CADM2: variants seen among roughly 807,000 people sequenced by gnomAD.
The protein encoded by CADM2 is immunoglobulin superfamily member 4D.
CADM2 carries 12 observed loss-of-function variants against 49.8 expected under a neutral mutation model. The observed-to-expected ratio is 0.24, with a 90% CI of 0.15 to 0.39. CADM2 has a LOEUF of 0.39. Among genes scored for constraint, CADM2 ranks in the 10% least tolerant of loss-of-function variants. The pLI is 1.00. For missense variants in CADM2, 378 were observed against 492.3 expected, an observed-to-expected ratio of 0.77 and a Z score of 2.20; for synonymous variants, 214 against 175.4, an observed-to-expected ratio of 1.22 and a Z score of -1.74.
At chr3:85,010,896 C>T (rs1205415233) in intron 1 of CADM2, among the ~76,000 whole-genome samples, 32 of 77,014 alleles carry the variant, frequency 4.2e-4, no homozygotes, top group African/African-American at 1.7e-3. Context: ...TGGAGTCTTG[C>T]TCTGTCTCCC....
At chr3:85,540,669 T>G (rs925737374) in intron 1 of CADM2, among the ~76,000 whole-genome samples, 5 of 152,196 alleles carry the variant, frequency 3.3e-5, no homozygotes, top group Non-Finnish European at 1.5e-5. Flanking sequence ...ATCATAAAGT[T>G]ATCAAGCATT....
At chr3:85,959,154 C>A (rs565830781) in intron 7 of CADM2, among the ~76,000 whole-genome samples, 4 of 147,540 alleles carry the variant, frequency 2.7e-5, no homozygotes, top group Non-Finnish European at 3.0e-5. Context: ...CTATCTATCT[C>A]TCTCTCTCTC....
At chr3:85,372,077 G>A (rs924252459) in intron 1 of CADM2, among the ~76,000 whole-genome samples, 9 of 151,678 alleles carry the variant, frequency 5.9e-5, no homozygotes, top group South Asian at 2.1e-4. Context: ...TTATTACATC[G>A]GTGTTTGACA....
intron 1 of CADM2, among the ~76,000 whole-genome samples, chr3:85,219,133 G>T (rs2041993343): frequency 1.3e-5 from 2 of 152,072 alleles, no homozygotes; most frequent in African/African-American, 2.4e-5. Flanking sequence ...ATGGTGAAAA[G>T]AATAATATGA....
At chr3:85,995,729 A>G (rs1053321413) in intron 8 of CADM2, among the ~76,000 whole-genome samples, 2 of 152,292 alleles carry the variant, frequency 1.3e-5, no homozygotes, top group South Asian at 4.1e-4. Context: ...TTCAGTTGAT[A>G]TATTCTAATT....
At chr3:85,103,883 G>C (rs2038108799) in intron 1 of CADM2, among the ~76,000 whole-genome samples, 2 of 152,142 alleles carry the variant, frequency 1.3e-5, no homozygotes, top group Non-Finnish European at 2.9e-5. Context: ...GACATGTAAA[G>C]AAATTGGATT....
intron 2 of CADM2, among the ~76,000 whole-genome samples, chr3:85,727,539 A>C (rs540701798): frequency 1.3e-5 from 2 of 152,250 alleles, no homozygotes; most frequent in East Asian, 3.9e-4. Flanking sequence ...TGCCACAGTA[A>C]TTTTCTGTCT....
In CADM2 at chr3:86,013,503, A is replaced by G. The variant is rs577922380; in HGVS notation, c.970+51856A>G. The G allele has an allele frequency of 5.6e-6, 9 of 1,604,616 alleles. No individual in the cohort carries two copies. In the South Asian group the frequency reaches 9.9e-5, roughly 18 times the overall value. On this transcript the variant is annotated intron_variant, in intron 8 of 9. Coordinates refer to ENST00000383699, the MANE Select transcript of CADM2 (RefSeq NM_001167675.2). ...AGAGGTTCTGAGAAAGCGCTTTGAG[A>G]CAACAGCAGTTAACACGTTGTTTTC...
rs557602370 is a variant in CADM2, at chr3:86,047,609, G to A, written c.971-17996G>A. On this transcript the variant is annotated intron_variant, in intron 8 of 9. Coordinates refer to ENST00000383699, the MANE Select transcript of CADM2 (RefSeq NM_001167675.2). ...GAAGTAAAGTAAAAGCTTAGTTAAC[G>A]TGTGTAAGAGGAGTAAGAAGCTCCT... Among the ~76,000 whole-genome samples, 9 of 152,256 alleles carry A rather than the reference G, an allele frequency of 5.9e-5. No homozygotes were observed. The South Asian group carries it at 8.3e-4, about 14-fold the overall frequency.
At chr3:84,962,349 C>A (rs1257785618) in intron 1 of CADM2, among the ~76,000 whole-genome samples, 2 of 151,856 alleles carry the variant, frequency 1.3e-5, no homozygotes, top group African/African-American at 4.8e-5. Flanking sequence ...ATGGCTGCCT[C>A]ACATTTATTC....
intron 3 of CADM2, among the ~76,000 whole-genome samples, chr3:85,829,834 A>G (rs565277547): frequency 6.6e-6 from 1 of 152,126 alleles, no homozygotes; most frequent in South Asian, 2.1e-4. Context: ...ATGTTGTCCC[A>G]AATGGCAAAA....
intron 1 of CADM2, among the ~76,000 whole-genome samples, chr3:85,330,347 CT>C (rs1424324904): frequency 2.6e-5 from 4 of 151,988 alleles, no homozygotes; most frequent in Admixed American, 6.6e-5. Context: ...TAATATCACA[CT>C]TTTTTTCTAT....
At chr3:85,517,189 A>T (rs979131051) in intron 1 of CADM2, among the ~76,000 whole-genome samples, 16 of 148,008 alleles carry the variant, frequency 1.1e-4, no homozygotes, top group Admixed American at 2.7e-4. Flanking sequence ...TAGATCTTTT[A>T]AAAAAAAACA....
At chr3:85,206,463 A>T (rs762374795) in intron 1 of CADM2, among the ~76,000 whole-genome samples, 1 of 151,496 alleles carries the variant, frequency 6.6e-6, no homozygotes, top group African/African-American at 2.4e-5. Context: ...GCCCGTCACC[A>T]CGCCCGGCTA....
intron 8 of CADM2, among the ~76,000 whole-genome samples, chr3:86,058,846 C>G (rs967503220): frequency 1.3e-5 from 2 of 151,866 alleles, no homozygotes; most frequent in African/African-American, 4.8e-5. Context: ...GTAATCCTAG[C>G]ACTTTGGGAG....
intron 3 of CADM2, among the ~76,000 whole-genome samples, chr3:85,817,785 C>T (rs1342822272): frequency 6.6e-6 from 1 of 151,844 alleles, no homozygotes; most frequent in Non-Finnish European, 1.5e-5. Context: ...TGCACTCCAG[C>T]GTCGGCGACA....
chr3:85,989,424 A>G (rs2108693821), intron 8 of CADM2, among the ~76,000 whole-genome samples: 1 of 152,256 alleles, frequency 6.6e-6, no homozygotes, highest in East Asian at 1.9e-4. Context: ...AAACGAGGAC[A>G]CTGGGGGACA....
chr3:85,734,527 A>T (rs1355338966), intron 2 of CADM2, among the ~76,000 whole-genome samples: 1 of 141,522 alleles, frequency 7.1e-6, no homozygotes, highest in Non-Finnish European at 1.6e-5. Flanking sequence ...ATACACACAT[A>T]CACACACATA....
intron 1 of CADM2, among the ~76,000 whole-genome samples, chr3:85,459,271 A>T (rs1458665606): frequency 6.6e-6 from 1 of 152,148 alleles, no homozygotes; most frequent in Non-Finnish European, 1.5e-5. Context: ...TCCAAAACCA[A>T]AAAAAGGGAA....
Sources: gnomAD v4.1 joint callset for allele counts (sites outside exome capture counted in the v4.1 genomes callset) on GRCh38, gnomAD v4.1.1 for gene constraint, MANE v1.5 for transcripts, NCBI Gene and HGNC (gene_info 2026-07-23, HGNC 2026-07-21) for gene names.